The following CDH8 variants were observed in gnomAD, a reference collection of about 807,000 sequenced individuals.
CDH8 encodes the protein cadherin-8.
CDH8 carries 17 observed loss-of-function variants against 68.1 expected under a neutral mutation model. That is an observed-to-expected ratio of 0.25 (90% CI 0.17 to 0.37). The LOEUF is 0.37. Among genes scored for constraint, CDH8 ranks in the 10% least tolerant of loss-of-function variants. CDH8 has a pLI of 1.00. For synonymous variants in CDH8, 372 were observed against 365.1 expected, an observed-to-expected ratio of 1.02 and a Z score of -0.21; for missense variants, 763 against 999.3, an observed-to-expected ratio of 0.76 and a Z score of 3.19.
intron 3 of CDH8, among the ~76,000 whole-genome samples, chr16:61,866,767 T>C (rs1963262908): frequency 6.6e-6 from 1 of 152,208 alleles, no homozygotes. Flanking sequence ...CTATTCTTAT[T>C]CTGAGGCTCC....
intron 8 of CDH8, among the ~76,000 whole-genome samples, chr16:61,740,003 G>A (rs1212223267): frequency 1.3e-5 from 2 of 150,220 alleles, no homozygotes; most frequent in Non-Finnish European, 3.0e-5. Context: ...CACCTCCCGG[G>A]TTCAAGTGAT....
chr16:61,822,086 T>G (rs1596997014), intron 5 of CDH8, among the ~76,000 whole-genome samples: 1 of 151,856 alleles, frequency 6.6e-6, no homozygotes, highest in East Asian at 1.9e-4. Flanking sequence ...GGTCTCTCCA[T>G]TCTGTGGCAG....
At chr16:61,933,573 G>A (rs889293294) in intron 2 of CDH8, among the ~76,000 whole-genome samples, 9 of 152,118 alleles carry the variant, frequency 5.9e-5, no homozygotes, top group Non-Finnish European at 1.3e-4. Flanking sequence ...TAAATCAGAC[G>A]AGGAAGGATA....
At chr16:61,790,223 C>T (rs1029971025) in intron 7 of CDH8, among the ~76,000 whole-genome samples, 4 of 152,018 alleles carry the variant, frequency 2.6e-5, no homozygotes, top group Non-Finnish European at 4.4e-5. Flanking sequence ...TAAGAAAATA[C>T]GTGAGATGTG....
intron 8 of CDH8, among the ~76,000 whole-genome samples, chr16:61,742,593 G>A (rs1183693677): frequency 6.6e-6 from 1 of 152,246 alleles, no homozygotes; most frequent in East Asian, 1.9e-4. Context: ...TATAAAGATA[G>A]ATCATCTTTT....
chr16:61,834,290 G>A (rs1201357244), intron 4 of CDH8, among the ~76,000 whole-genome samples: 2 of 151,784 alleles, frequency 1.3e-5, no homozygotes, highest in Non-Finnish European at 2.9e-5. Flanking sequence ...GTGGGGGTGA[G>A]TGTGGCAGTA....
At chr16:61,938,634 GC>G (rs1964663731) in intron 2 of CDH8, among the ~76,000 whole-genome samples, 1 of 152,200 alleles carries the variant, frequency 6.6e-6, no homozygotes, top group Non-Finnish European at 1.5e-5. Flanking sequence ...AAGTGCATCT[GC>G]CTGGTAACCT....
intron 2 of CDH8, among the ~76,000 whole-genome samples, chr16:61,990,828 AAAAG>A (rs567969766): frequency 2.4e-3 from 365 of 151,168 alleles, no homozygotes; most frequent in African/African-American, 8.3e-3. Context: ...CGTCTTTAAT[AAAAG>A]AAAGAAAGAG....
At chr16:61,753,511 AT>A (rs1266100894) in intron 8 of CDH8, among the ~76,000 whole-genome samples, 1 of 152,130 alleles carries the variant, frequency 6.6e-6, no homozygotes, top group Non-Finnish European at 1.5e-5. Flanking sequence ...AAGTGCTCGG[AT>A]TATAGGCATG....
intron 2 of CDH8, among the ~76,000 whole-genome samples, chr16:61,908,442 G>A (rs879740800): frequency 6.6e-6 from 1 of 152,224 alleles, no homozygotes; most frequent in Non-Finnish European, 1.5e-5. Flanking sequence ...AGGAGGAGCT[G>A]AAGACTTCTC....
At chr16:61,955,984 A>G (rs1191056880) in intron 2 of CDH8, among the ~76,000 whole-genome samples, 2 of 152,234 alleles carry the variant, frequency 1.3e-5, no homozygotes, top group Admixed American at 6.5e-5. Flanking sequence ...CTTTATTACA[A>G]TAATTCAAAT....
At chr16:61,814,681 T>A (rs1221197748) in intron 7 of CDH8, among the ~76,000 whole-genome samples, 1 of 152,176 alleles carries the variant, frequency 6.6e-6, no homozygotes, top group Non-Finnish European at 1.5e-5. Context: ...AAATAATGCA[T>A]AGCTATGTGT....
intron 3 of CDH8, among the ~76,000 whole-genome samples, chr16:61,879,572 CA>C (rs1320427113): frequency 6.6e-6 from 1 of 152,238 alleles, no homozygotes. Context: ...ATCATCCTCA[CA>C]AACTGCTCTG....
intron 2 of CDH8, among the ~76,000 whole-genome samples, chr16:61,988,629 G>A (rs1010363658): frequency 6.6e-6 from 1 of 152,102 alleles, no homozygotes; most frequent in African/African-American, 2.4e-5. Flanking sequence ...AAGTTCAGAT[G>A]ATAGAGGATC....
intron 2 of CDH8, among the ~76,000 whole-genome samples, chr16:61,902,366 G>T (rs1176355799): frequency 1.3e-5 from 2 of 152,030 alleles, no homozygotes. Context: ...TTTCTCTCAG[G>T]CTGGAGACAG....
intron 3 of CDH8, among the ~76,000 whole-genome samples, chr16:61,893,512 T>C (rs1963815405): frequency 1.3e-5 from 2 of 151,766 alleles, no homozygotes; most frequent in South Asian, 4.2e-4. Flanking sequence ...GACATCCTAA[T>C]AACAATGAAC....
intron 1 of CDH8, among the ~76,000 whole-genome samples, chr16:62,021,810 C>T (rs1022301367): frequency 4.6e-5 from 7 of 152,110 alleles, no homozygotes; most frequent in African/African-American, 1.7e-4. Flanking sequence ...TCATTGGTAG[C>T]TATGTGACCT....
At chr16:61,744,124 G>A (rs546160982) in intron 8 of CDH8, among the ~76,000 whole-genome samples, 48 of 152,030 alleles carry the variant, frequency 3.2e-4, no homozygotes, top group Admixed American at 1.4e-3. Context: ...TAACTCTTTC[G>A]TGCAGTATTT....
chr16:61,939,527 C>T (rs1173197272), intron 2 of CDH8, among the ~76,000 whole-genome samples: 2 of 152,164 alleles, frequency 1.3e-5, no homozygotes, highest in African/African-American at 4.8e-5. Context: ...AAGAACCTAG[C>T]TACCTATTTC....
Sources: allele counts gnomAD v4.1 joint callset (sites outside exome capture counted in the v4.1 genomes callset), GRCh38; gene constraint gnomAD v4.1.1; transcripts MANE v1.5; gene names NCBI Gene and HGNC (gene_info 2026-07-23, HGNC 2026-07-21).